The following CDHR3 variants were observed in gnomAD, a reference collection of about 807,000 sequenced individuals.
CDHR3 encodes cadherin-related family member 3.
In CDHR3, 79 loss-of-function variants were observed where a neutral mutation model predicts 86.6. The observed-to-expected ratio is 0.91, with a 90% confidence interval of 0.76 to 1.10. The LOEUF is 1.10. CDHR3 is among the 50% of genes least tolerant of loss of function. The pLI is 0.00. For missense variants in CDHR3, 1,081 were observed against 1,077.6 expected (o/e 1.00, Z -0.04); for synonymous variants, 421 against 402.4 (o/e 1.05, Z -0.55).
At chr7:105,973,785 G>A (rs986875121) in intron 1 of CDHR3, among the ~76,000 whole-genome samples, 4 of 152,058 alleles carry the variant, frequency 2.6e-5, no homozygotes, top group African/African-American at 4.8e-5. Context: ...TGGCCAACAT[G>A]GTGAAACCTC....
chr7:106,006,431 T>C (rs2115811982), intron 8 of CDHR3, among the ~76,000 whole-genome samples: 1 of 152,334 alleles, frequency 6.6e-6, no homozygotes, highest in South Asian at 2.1e-4. Context: ...AAATCCCTTC[T>C]GCCTATGAGC....
At chr7:105,979,907 C>T (rs555670959) in intron 2 of CDHR3, among the ~76,000 whole-genome samples, 7 of 152,268 alleles carry the variant, frequency 4.6e-5, no homozygotes, top group African/African-American at 1.4e-4. Context: ...CCTATAGATA[C>T]GAGCAATCAC....
At position 106,030,506 on chromosome 7, in the gene CDHR3, A is replaced by G. The variant is rs1838167941; in HGVS notation, c.2305-286A>G. 6.6e-6 allele frequency among the ~76,000 whole-genome samples: 1 copy of G among 152,146 alleles called. No homozygotes were observed. The highest frequency in any genetic ancestry group is 1.5e-5 in the Non-Finnish European group (1 of 68,008). On this transcript the variant is annotated intron_variant, in intron 17 of 18. Coordinates refer to ENST00000317716, the MANE Select transcript of CDHR3 (RefSeq NM_152750.5). This position sits in a 1 kb window ranked among gnomAD's most constrained non-coding sequence, Gnocchi z 4.8. ...TTCCTTAACCCCCAAGTGTGGTTTA[A>G]ATGTCCCCTCTACCCCTACCTGTGC...
At position 106,005,957 on chromosome 7, in the gene CDHR3, G is replaced by C. The variant is rs767547764; in HGVS notation, c.1052+1270G>C. 4.9e-4 allele frequency among the ~76,000 whole-genome samples: 75 copies of C among 152,290 alleles called. No homozygotes were observed. In the Middle Eastern group the frequency reaches 0.01, roughly 21 times the overall value. On this transcript the variant is annotated intron_variant, in intron 8 of 18. Coordinates refer to ENST00000317716, the MANE Select transcript of CDHR3 (RefSeq NM_152750.5). Reference sequence around the variant, plus strand: ...AGACTGTTTTCATGCTGCTGATAAAGATATACCTGTGACTGGGCGATTTAC... The same window carrying C: ...AGACTGTTTTCATGCTGCTGATAAACATATACCTGTGACTGGGCGATTTAC...
At chr7:106,003,624 C>T (rs549994436) in intron 7 of CDHR3, among the ~76,000 whole-genome samples, 1 of 152,130 alleles carries the variant, frequency 6.6e-6, no homozygotes, top group Non-Finnish European at 1.5e-5. Context: ...ATTCCTCGGG[C>T]CTGTCCTCTT....
intron 1 of CDHR3, among the ~76,000 whole-genome samples, chr7:105,967,881 A>T (rs1258213181): frequency 1.3e-5 from 2 of 152,192 alleles, no homozygotes; most frequent in Non-Finnish European, 2.9e-5. Context: ...GTAGATTGCA[A>T]AATTTTTCTC....
At chr7:105,985,827 GTGTT>G (rs869141152) in intron 4 of CDHR3, among the ~76,000 whole-genome samples, 2 of 141,696 alleles carry the variant, frequency 1.4e-5, no homozygotes, top group African/African-American at 4.9e-5. Flanking sequence ...AGTTAGGAAT[GTGTT>G]TGTCTGCAAA....
At chr7:106,012,769 A>G (rs1835011624) in intron 8 of CDHR3, 91 bp from the exon 9 acceptor site, 1 of 1,347,638 alleles carries the variant, frequency 7.4e-7, no homozygotes, top group African/African-American at 1.5e-5. Context: ...AATTGCAGTT[A>G]AAGTAGAGGT....
intron 6 of CDHR3, 75 bp downstream of exon 6, chr7:105,996,429 A>G (rs1434025071): frequency 2.6e-6 from 2 of 761,528 alleles, no homozygotes; most frequent in East Asian, 2.7e-5. Flanking sequence ...CCTCCGGCAC[A>G]TTTAATACAA....
rs539921694 is a variant in CDHR3, at chr7:106,034,594, A to G, written c.*1897A>G. 2.0e-5 allele frequency among the ~76,000 whole-genome samples: 3 copies of G among 152,354 alleles called. No homozygotes were observed. The East Asian group carries it at 5.8e-4, about 29-fold the overall frequency. Reference sequence around the variant, plus strand: ...CCCTTGAATGGATTTAAACTTTGCAAAAGAAGGCAGAACTGTTCATTTATG... The same window carrying G: ...CCCTTGAATGGATTTAAACTTTGCAGAAGAAGGCAGAACTGTTCATTTATG... On this transcript the variant is annotated 3_prime_UTR_variant, in exon 19 of 19. Coordinates refer to ENST00000317716, the MANE Select transcript of CDHR3 (RefSeq NM_152750.5).
chr7:106,029,535 C>T (rs1265375222), intron 17 of CDHR3, among the ~76,000 whole-genome samples: 2 of 147,906 alleles, frequency 1.4e-5, no homozygotes, highest in Admixed American at 6.6e-5. Flanking sequence ...AAAGTTCCCT[C>T]TCCTCCACCT....
chr7:105,964,836 G>A (rs182614029), intron 1 of CDHR3, among the ~76,000 whole-genome samples: 1 of 152,222 alleles, frequency 6.6e-6, no homozygotes, highest in Admixed American at 6.5e-5. Context: ...TTTCAACTCA[G>A]CAGAGGGCAG....
intron 9 of CDHR3, 109 bp downstream of exon 9, chr7:106,013,140 AG>A: frequency 1.0e-6 from 1 of 968,000 alleles, no homozygotes; most frequent in Non-Finnish European, 1.5e-6. Context: ...CCCCTCTCAG[AG>A]CGACTGTAAC....
At chr7:106,018,153 T>C in intron 12 of CDHR3, 81 bp downstream of exon 12, 1 of 1,133,836 alleles carries the variant, frequency 8.8e-7, no homozygotes, top group South Asian at 1.4e-5. Flanking sequence ...AGTGTGGATG[T>C]GGCAATGAGG....
At chr7:105,983,934 T>TG (rs988088327) in intron 3 of CDHR3, among the ~76,000 whole-genome samples, 1 of 152,150 alleles carries the variant, frequency 6.6e-6, no homozygotes, top group African/African-American at 2.4e-5. Context: ...AGCATCACCC[T>TG]GGGGCACCTC....
intron 12 of CDHR3, among the ~76,000 whole-genome samples, chr7:106,018,445 A>G (rs926720512): frequency 3.3e-5 from 5 of 152,274 alleles, no homozygotes; most frequent in African/African-American, 9.6e-5. Context: ...CATGTTGGCC[A>G]GGCTGGTCTC....
chr7:106,006,752 G>T (rs1337817518), intron 8 of CDHR3, among the ~76,000 whole-genome samples: 2 of 152,204 alleles, frequency 1.3e-5, no homozygotes, highest in Admixed American at 1.3e-4. Flanking sequence ...AGTGCCTGTG[G>T]CTTTTCCAGG....
chr7:105,978,901 G>A (rs1033717403), intron 2 of CDHR3, among the ~76,000 whole-genome samples: 2 of 152,116 alleles, frequency 1.3e-5, no homozygotes, highest in Non-Finnish European at 2.9e-5. Flanking sequence ...TCCAAGCTTG[G>A]CATGCAGGAG....
At chr7:106,025,204 A>C (rs528631925) in intron 15 of CDHR3, among the ~76,000 whole-genome samples, 13 of 152,326 alleles carry the variant, frequency 8.5e-5, no homozygotes, top group Middle Eastern at 3.4e-3. Flanking sequence ...GCACCAAAGA[A>C]TCACAAACTT....
Sources: gnomAD v4.1 joint callset for allele counts (sites outside exome capture counted in the v4.1 genomes callset) on GRCh38, gnomAD v4.1.1 for gene constraint, Gnocchi (gnomAD v3.1) non-coding constraint, MANE v1.5 for transcripts, NCBI Gene and HGNC (gene_info 2026-07-23, HGNC 2026-07-21) for gene names.